SYT16: variants seen among roughly 807,000 people sequenced by gnomAD.
The protein encoded by SYT16 is synaptotagmin-16.
A neutral mutation model predicts 61.4 loss-of-function variants in SYT16; 42 were observed. The ratio of observed to expected loss-of-function variants is 0.68; its 90% CI spans 0.53 to 0.89. The LOEUF (loss-of-function observed/expected upper bound fraction) is 0.89. SYT16 is among the 40% of genes least tolerant of loss of function. The probability of loss-of-function intolerance (pLI) is 0.00; values close to 1 mark genes in which losing one functional copy is unlikely to be tolerated. For synonymous variants in SYT16, 314 were observed against 302.3 expected, an observed-to-expected ratio of 1.04 and a Z score of -0.40; for missense variants, 804 against 807.3, an observed-to-expected ratio of 1.00 and a Z score of 0.05.
intron 2 of SYT16, among the ~76,000 whole-genome samples, chr14:61,979,854 C>A (rs2051992622): frequency 6.6e-6 from 1 of 152,130 alleles, no homozygotes; most frequent in South Asian, 2.1e-4. Context: ...TGCACTCCAG[C>A]CTGGCGACAG....
intron 1 of SYT16, among the ~76,000 whole-genome samples, chr14:61,813,030 C>G (rs555035226): frequency 1.8e-4 from 27 of 152,356 alleles, no homozygotes; most frequent in African/African-American, 6.3e-4. Context: ...CGCCTGGCGC[C>G]GAGGCGGAGG....
intron 7 of SYT16, among the ~76,000 whole-genome samples, chr14:62,091,803 T>C (rs7141060): frequency 0.034 from 5,200 of 152,226 alleles, 282 homozygotes; most frequent in African/African-American, 0.11. Context: ...TGGCAGTGAT[T>C]TCTTGGATAT....
At chr14:61,831,864 C>G in intron 1 of SYT16, 1 of 446,862 alleles carries the variant, frequency 2.2e-6, no homozygotes, top group Non-Finnish European at 4.4e-6. Context: ...GCATCTCTCA[C>G]TTCTTCCACT....
chr14:61,952,617 CAT>C (rs1371472800), intron 1 of SYT16, among the ~76,000 whole-genome samples: 2 of 152,154 alleles, frequency 1.3e-5, no homozygotes, highest in South Asian at 2.1e-4. Flanking sequence ...TTTCAACACA[CAT>C]ATTTTATTAT....
At chr14:62,067,619 G>A (rs10142874) in intron 3 of SYT16, among the ~76,000 whole-genome samples, 8,230 of 152,224 alleles carry the variant, frequency 0.054, 578 homozygotes, top group East Asian at 0.17. Context: ...GTTGGTGAGG[G>A]TATGGAGAAG....
chr14:62,075,620 G>GAAAAAAAGAAAAAAAAAAAAAAAGA (rs2056467810), intron 5 of SYT16, among the ~76,000 whole-genome samples: 1 of 91,840 alleles, frequency 1.1e-5, no homozygotes, highest in African/African-American at 3.8e-5. Context: ...AAAAAAAAAA[G>GAAAAAAAGAAAAAAAAAAAAAAAGA]AAAAAAAGAA....
chr14:61,879,556 A>G (rs2047620994), intron 1 of SYT16, among the ~76,000 whole-genome samples: 1 of 152,174 alleles, frequency 6.6e-6, no homozygotes, highest in South Asian at 2.1e-4. Flanking sequence ...TTTCATCACC[A>G]GTAAACGGCA....
At chr14:62,005,892 G>A (rs1406591815) in intron 3 of SYT16, among the ~76,000 whole-genome samples, 1 of 152,108 alleles carries the variant, frequency 6.6e-6, no homozygotes, top group African/African-American at 2.4e-5. Flanking sequence ...CCCTGGCTCT[G>A]TGGTGGCAGT....
At chr14:61,829,095 A>G (rs1206630343) in intron 1 of SYT16, among the ~76,000 whole-genome samples, 2 of 152,182 alleles carry the variant, frequency 1.3e-5, no homozygotes, top group Non-Finnish European at 1.5e-5. Context: ...GCTAAAACCT[A>G]TTTCCTCATT....
chr14:62,018,983 C>G (rs1188629349), intron 3 of SYT16, among the ~76,000 whole-genome samples: 2 of 152,196 alleles, frequency 1.3e-5, no homozygotes, highest in African/African-American at 4.8e-5. Context: ...TGAAAGAATA[C>G]TTTAAAAAAT....
At chr14:61,908,309 TTGTC>T (rs1368313831) in intron 1 of SYT16, among the ~76,000 whole-genome samples, 1 of 152,246 alleles carries the variant, frequency 6.6e-6, no homozygotes, top group Admixed American at 6.5e-5. Flanking sequence ...ATTCACGAAT[TTGTC>T]TGATCATAAG....
intron 1 of SYT16, among the ~76,000 whole-genome samples, chr14:61,822,728 A>C (rs374029977): frequency 6.6e-6 from 1 of 152,178 alleles, no homozygotes; most frequent in South Asian, 2.1e-4. Flanking sequence ...ATTTTATGCA[A>C]ATGTTACAGA....
At chr14:61,951,865 C>T (rs898738316) in intron 1 of SYT16, among the ~76,000 whole-genome samples, 1 of 152,144 alleles carries the variant, frequency 6.6e-6, no homozygotes, top group Non-Finnish European at 1.5e-5. Context: ...TCACTGCTCA[C>T]TGCAGCCTCA....
intron 7 of SYT16, among the ~76,000 whole-genome samples, chr14:62,086,353 G>A (rs961487385): frequency 4.6e-5 from 7 of 152,238 alleles, no homozygotes; most frequent in East Asian, 3.9e-4. Flanking sequence ...GGTGGTGCAC[G>A]CCTGTAATCC....
intron 2 of SYT16, among the ~76,000 whole-genome samples, chr14:61,971,832 T>C: frequency 6.6e-6 from 1 of 152,236 alleles, no homozygotes; most frequent in East Asian, 1.9e-4. Context: ...GAAAATAGAA[T>C]GGAATATTTT....
intron 7 of SYT16, among the ~76,000 whole-genome samples, chr14:62,089,387 C>T (rs1407091316): frequency 6.6e-6 from 1 of 151,712 alleles, no homozygotes; most frequent in African/African-American, 2.4e-5. Flanking sequence ...CTCCATAAAG[C>T]ACATCCATCA....
chr14:61,999,074 AT>A (rs946312820), intron 3 of SYT16, among the ~76,000 whole-genome samples: 21 of 145,030 alleles, frequency 1.4e-4, no homozygotes, highest in African/African-American at 3.3e-4. Context: ...ATTTTTTTCC[AT>A]TTTTTTTTTA....
At chr14:61,825,017 G>A (rs1433984021) in intron 1 of SYT16, among the ~76,000 whole-genome samples, 1 of 152,008 alleles carries the variant, frequency 6.6e-6, no homozygotes, top group Non-Finnish European at 1.5e-5. Context: ...AAGTGCTTTG[G>A]GGTCCTTAAA....
intron 1 of SYT16, among the ~76,000 whole-genome samples, chr14:61,914,402 T>C (rs562080833): frequency 6.6e-6 from 1 of 152,314 alleles, no homozygotes; most frequent in East Asian, 1.9e-4. Context: ...TATTTTAGCA[T>C]ACTCTTAGGA....
Sources: gnomAD v4.1 joint callset for allele counts (sites outside exome capture counted in the v4.1 genomes callset) on GRCh38, gnomAD v4.1.1 for gene constraint, MANE v1.5 for transcripts, NCBI Gene and HGNC (gene_info 2026-07-23, HGNC 2026-07-21) for gene names.